The following AGMO variants were observed in gnomAD, a reference collection of about 807,000 sequenced individuals.
The protein encoded by AGMO is alkylglycerol monooxygenase.
A neutral mutation model predicts 60.2 loss-of-function variants in AGMO; 75 were observed. The ratio of observed to expected loss-of-function variants is 1.25; its 90% confidence interval spans 1.03 to 1.51. AGMO has a LOEUF of 1.51. Among genes scored for constraint, AGMO ranks in the 40% most tolerant of loss-of-function variants. AGMO has a pLI of 0.00. For missense variants in AGMO, 763 were observed against 525.5 expected (o/e 1.45, Z -4.42); for synonymous variants, 261 against 177.1 (o/e 1.47, Z -3.76).
Position 15,244,325 on chromosome 7 carries a change from ATTGTT to A in AGMO, c.1264-42971_1264-42967del, listed in dbSNP as rs574426549. 9.7e-4 allele frequency among the ~76,000 whole-genome samples: 147 copies of A among 152,186 alleles called. 4 individuals are homozygous for A. The South Asian group carries it at 0.03, about 31-fold the overall frequency. ...AAAAGACTACCTTGATTCATTGTTG[ATTGTT>A]TATGAACATTCTCTCCCTTTTTTTG... On this transcript the variant is annotated intron_variant, in intron 12 of 12. Coordinates refer to ENST00000342526, the MANE Select transcript of AGMO (RefSeq NM_001004320.2).
chr7:15,465,634 C>A (rs1004050710), intron 3 of AGMO, among the ~76,000 whole-genome samples: 1 of 148,386 alleles, frequency 6.7e-6, no homozygotes, highest in African/African-American at 2.5e-5. Context: ...TTTTTAGAGA[C>A]AGGGTTTCCC....
chr7:15,521,876 G>T (rs547041395), intron 3 of AGMO, among the ~76,000 whole-genome samples: 1 of 152,082 alleles, frequency 6.6e-6, no homozygotes, highest in Non-Finnish European at 1.5e-5. Context: ...AGAAATAAAG[G>T]GTATTCAAAT....
the AGMO span, among the ~76,000 whole-genome samples, chr7:15,138,177 T>A: frequency 3.3e-5 from 5 of 152,242 alleles, no homozygotes; most frequent in Non-Finnish European, 7.3e-5. Context: ...CTATTATTGG[T>A]ACCTTTAGCT....
chr7:15,243,610 T>C (rs1407926687), intron 12 of AGMO, among the ~76,000 whole-genome samples: 3 of 152,146 alleles, frequency 2.0e-5, no homozygotes, highest in Non-Finnish European at 4.4e-5. Context: ...TCAAAACACA[T>C]ACCAATTAAG....
At chr7:15,154,473 A>T in the AGMO span, among the ~76,000 whole-genome samples, 2 of 152,062 alleles carry the variant, frequency 1.3e-5, no homozygotes, top group South Asian at 4.1e-4. Context: ...TTCTCCATCC[A>T]TTTACTTTGA....
At chr7:15,296,267 G>C (rs1193708426) in intron 12 of AGMO, among the ~76,000 whole-genome samples, 2 of 151,990 alleles carry the variant, frequency 1.3e-5, no homozygotes, top group African/African-American at 2.4e-5. Context: ...TGCAAAAATA[G>C]ACTTCTACGT....
chr7:15,496,629 A>G (rs1414374786), intron 3 of AGMO, among the ~76,000 whole-genome samples: 1 of 152,162 alleles, frequency 6.6e-6, no homozygotes, highest in African/African-American at 2.4e-5. Context: ...AAATAACACA[A>G]ACACATGAAA....
At position 15,561,887 on chromosome 7, in the gene AGMO, T is replaced by G; in HGVS notation, c.-42A>C. ...TTCCCAGCTGGAGAATATTTAGGAT[T>G]CAATGCTTGAAGCCTGAGGCTGAAC... On this transcript the variant is annotated 5_prime_UTR_variant, in exon 1 of 13. Coordinates refer to ENST00000342526, the MANE Select transcript of AGMO (RefSeq NM_001004320.2). The G allele has an allele frequency of 7.0e-6, 11 of 1,560,872 alleles. No individual in the cohort carries two copies. The highest frequency in any genetic ancestry group is 9.6e-6 in the Non-Finnish European group (11 of 1,149,474).
the AGMO span, among the ~76,000 whole-genome samples, chr7:15,132,931 GTCTTCAGAAAGGCAAGAGGGA>G: frequency 6.6e-6 from 1 of 152,114 alleles, no homozygotes; most frequent in African/African-American, 2.4e-5. Flanking sequence ...CAAGTGCTAA[GTCTTCAGAAAGGCAAGAGGGA>G]TGCAAGAGGG....
At chr7:15,254,129 T>TTCA (rs1413776418) in intron 12 of AGMO, among the ~76,000 whole-genome samples, 1 of 152,188 alleles carries the variant, frequency 6.6e-6, no homozygotes, top group African/African-American at 2.4e-5. Context: ...CTTTTTTCCA[T>TTCA]TCATCCATTG....
intron 2 of AGMO, among the ~76,000 whole-genome samples, chr7:15,547,376 G>T (rs139727332): frequency 0.012 from 1,780 of 148,556 alleles, 31 homozygotes; most frequent in African/African-American, 0.045. Flanking sequence ...CGCAGAAGAC[G>T]GGTGATTTCT....
intron 12 of AGMO, among the ~76,000 whole-genome samples, chr7:15,313,061 T>C (rs1427041165): frequency 6.6e-6 from 1 of 152,106 alleles, no homozygotes; most frequent in African/African-American, 2.4e-5. Flanking sequence ...ATATTGGAAA[T>C]ACAATACATG....
chr7:15,205,112 A>T (rs1302998398), intron 12 of AGMO, among the ~76,000 whole-genome samples: 1 of 152,202 alleles, frequency 6.6e-6, no homozygotes, highest in Non-Finnish European at 1.5e-5. Flanking sequence ...AAACCCTCAA[A>T]TTACAAAGAA....
At chr7:15,504,587 C>G (rs1395898491) in intron 3 of AGMO, among the ~76,000 whole-genome samples, 1 of 151,896 alleles carries the variant, frequency 6.6e-6, no homozygotes, top group Admixed American at 6.6e-5. Flanking sequence ...AATAACATTC[C>G]TCTGACATGA....
At chr7:15,371,896 CAATA>C (rs1476915175) in intron 10 of AGMO, among the ~76,000 whole-genome samples, 103 of 149,418 alleles carry the variant, frequency 6.9e-4, no homozygotes, top group Middle Eastern at 3.4e-3. Context: ...ATTATTCAAT[CAATA>C]GTTTAATATT....
rs1168643031 is a variant in AGMO at position 15,322,616 on chromosome 7, A to G, written c.1263+42898T>C. 9.1e-5 allele frequency among the ~76,000 whole-genome samples: 6 copies of G among 65,692 alleles called. 1 individual carries two copies. Among genetic ancestry groups the G allele is most frequent in the African/African-American group, 5.6e-4 (6 of 10,700 alleles). 43.1% of individuals were successfully genotyped at this position (65,692 alleles called of 152,430 possible). A position where few individuals can be genotyped will look rare whatever the true frequency, so the allele number is the denominator to read the frequency against. The stretch of plus-strand genomic sequence containing the variant: ...TAAATATATATAAATATATATAAAT[A>G]TATAAATATATATAAATATATATAA... On this transcript the variant is annotated intron_variant, in intron 12 of 12. Transcript: ENST00000342526.
At chr7:15,418,212 CAT>C (rs1260401956) in intron 5 of AGMO, among the ~76,000 whole-genome samples, 7 of 151,852 alleles carry the variant, frequency 4.6e-5, no homozygotes, top group Non-Finnish European at 8.8e-5. Flanking sequence ...TACACATATA[CAT>C]ATGTTTATAT....
At chr7:15,390,125 T>C (rs1391803957) in intron 8 of AGMO, among the ~76,000 whole-genome samples, 1 of 152,112 alleles carries the variant, frequency 6.6e-6, no homozygotes, top group South Asian at 2.1e-4. Context: ...ATTTCTCTAG[T>C]GCCAACCATC....
chr7:15,519,027 A>C (rs1437948135), intron 3 of AGMO, among the ~76,000 whole-genome samples: 1 of 151,728 alleles, frequency 6.6e-6, no homozygotes, highest in African/African-American at 2.4e-5. Flanking sequence ...AGCATACACA[A>C]GTATCAATAG....
Sources: allele counts gnomAD v4.1 joint callset (sites outside exome capture counted in the v4.1 genomes callset), GRCh38; gene constraint gnomAD v4.1.1; transcripts MANE v1.5; gene names NCBI Gene and HGNC (gene_info 2026-07-23, HGNC 2026-07-21).